The following OGA variants were observed in gnomAD, a reference collection of about 807,000 sequenced individuals.
OGA encodes O-GlcNAcase.
In OGA, 21 loss-of-function variants were observed where a neutral mutation model predicts 102.0. The ratio of observed to expected loss-of-function variants is 0.21; its 90% CI spans 0.15 to 0.30. The LOEUF is 0.30. Among genes scored for constraint, OGA ranks in the 10% least tolerant of loss-of-function variants. The probability of loss-of-function intolerance (pLI) is 1.00; values close to 1 mark genes in which losing one functional copy is unlikely to be tolerated. For synonymous variants in OGA, 408 were observed against 378.2 expected (o/e 1.08, Z -0.91); for missense variants, 765 against 1,107.8 (o/e 0.69, Z 4.39).
chr10:101,812,067 T>G (rs1455890934), intron 3 of OGA, among the ~76,000 whole-genome samples: 1 of 152,222 alleles, frequency 6.6e-6, no homozygotes, highest in Non-Finnish European at 1.5e-5. Context: ...CAGCCTTCTG[T>G]GCCTTGGCTG....
intron 1 of OGA, among the ~76,000 whole-genome samples, chr10:101,817,188 G>A (rs1420075465): frequency 6.6e-6 from 1 of 152,160 alleles, no homozygotes; most frequent in Non-Finnish European, 1.5e-5. Flanking sequence ...CCGCTTCTGC[G>A]GTCACTAAAT....
intron 10 of OGA, among the ~76,000 whole-genome samples, chr10:101,794,949 T>TA (rs1429131400): frequency 1.3e-5 from 2 of 152,202 alleles, no homozygotes; most frequent in Non-Finnish European, 2.9e-5. Context: ...TCAGTACAAA[T>TA]ATAGTGTGCT....
chr10:101,803,337 A>T, intron 7 of OGA, among the ~76,000 whole-genome samples: 1 of 151,860 alleles, frequency 6.6e-6, no homozygotes, highest in Admixed American at 6.6e-5. Context: ...GACTTCAAAG[A>T]CTGAACCATA....
At chr10:101,805,873 T>C (rs909258906) in intron 6 of OGA, among the ~76,000 whole-genome samples, 172 bp downstream of exon 6, 8 of 151,974 alleles carry the variant, frequency 5.3e-5, no homozygotes, top group Non-Finnish European at 1.0e-4. Flanking sequence ...GAGAATGGTG[T>C]GAACCTGGGA....
In OGA at chr10:101,803,721, T is replaced by C. The variant is rs759677120; in HGVS notation, c.1036+14A>G. The C allele has an allele frequency of 1.2e-6, 2 of 1,608,522 alleles. No homozygotes were observed. The highest frequency in any genetic ancestry group is 1.1e-5 in the South Asian group (1 of 90,788). On this transcript the variant is annotated intron_variant, in intron 7 of 15. Coordinates refer to ENST00000361464, the MANE Select transcript of OGA (RefSeq NM_012215.5). ...TCTCCTCCCAAGGTGAAAGATCAAG[T>C]ACAGGCTACTTACTCATCACTACAT...
intron 12 of OGA, 28 bp from the exon 13 acceptor site, chr10:101,791,467 C>T (rs774884277): frequency 6.3e-7 from 1 of 1,582,952 alleles, no homozygotes; most frequent in South Asian, 1.1e-5. Context: ...TTAAGCAACA[C>T]ATCAAGAAAA....
In OGA at chr10:101,786,055, G is replaced by A. The variant is rs151060751; in HGVS notation, c.*396C>T. 3.3e-3 allele frequency: 509 copies of A among 155,362 alleles called. 9 individuals carry two copies. The highest frequency in any genetic ancestry group is 2.8e-3 in the East Asian group (15 of 5,322). 9.6% of individuals were successfully genotyped at this position (155,362 alleles called of 1,614,324 possible). A position where few individuals can be genotyped will look rare whatever the true frequency, so the allele number is the denominator to read the frequency against. Reference sequence around the variant, plus strand: ...TCTGCCATGTCCCCTAAGACTGAGAGGCATTTCACTCAATAAACCAAGGAA... The same window carrying A: ...TCTGCCATGTCCCCTAAGACTGAGAAGCATTTCACTCAATAAACCAAGGAA... On this transcript the variant is annotated 3_prime_UTR_variant, in exon 16 of 16. Coordinates refer to ENST00000361464, the MANE Select transcript of OGA (RefSeq NM_012215.5).
At position 101,786,324 on chromosome 10, in the gene OGA, CT is replaced by C; in HGVS notation, c.*126del. 2 of 1,009,560 alleles carry C rather than the reference CT, an allele frequency of 2.0e-6. No individual in the cohort carries two copies. The highest frequency in any genetic ancestry group is 3.0e-5 in the Admixed American group (1 of 32,916). 62.5% of individuals were successfully genotyped at this position (1,009,560 alleles called of 1,614,324 possible). ...GTGTGATGGGTGAGTTTTACATAGT[CT>C]TCTTTGTTTCGAATCCAATTGGCTG... On this transcript the variant is annotated 3_prime_UTR_variant, in exon 16 of 16. Transcript: ENST00000361464.
At chr10:101,808,627 T>C (rs61874103) in intron 4 of OGA, among the ~76,000 whole-genome samples, 7,483 of 152,196 alleles carry the variant, frequency 0.049, 206 homozygotes, top group Middle Eastern at 0.096. Flanking sequence ...TATAAATCTT[T>C]GCCTAAAGAA....
rs747626915 is a variant in OGA, at chr10:101,785,759, TAGTC to T, written c.*688_*691del. Reference sequence around the variant, plus strand: ...TTACAAAAACAGTAAACACAAAGGATAGTCAGGTTACAGCTAGTTTATATACAAA... The same window carrying T: ...TTACAAAAACAGTAAACACAAAGGATAGGTTACAGCTAGTTTATATACAAA... On this transcript the variant is annotated 3_prime_UTR_variant, in exon 16 of 16. Coordinates refer to ENST00000361464, the MANE Select transcript of OGA (RefSeq NM_012215.5). The T allele has an allele frequency of 2.0e-5, 3 of 152,494 alleles. No individual in the cohort carries two copies. Among genetic ancestry groups the T allele is most frequent in the Non-Finnish European group, 4.4e-5 (3 of 68,036 alleles). The allele number at this position is 152,494 out of a possible 1,614,324, so 9.4% of individuals were successfully genotyped here. A position where few individuals can be genotyped will look rare whatever the true frequency, so the allele number is the denominator to read the frequency against.
In OGA at chr10:101,799,342, T is replaced by C. The variant is rs1293788196; in HGVS notation, c.1309A>G (p.Ile437Val). The C allele has an allele frequency of 1.9e-6, 3 of 1,614,212 alleles. No homozygotes were observed. Among genetic ancestry groups the C allele is most frequent in the Non-Finnish European group, 1.7e-6 (2 of 1,180,036 alleles). Reference sequence around the variant, plus strand: ...CTCAAGGCTGCTCCCTGGCTCATAATGGGCTCCTGATAAACTGTTGTTACT... The same window carrying C: ...CTCAAGGCTGCTCCCTGGCTCATAACGGGCTCCTGATAAACTGTTGTTACT... ...TVVTTVYQEP[I>V]MSQGAALSGE... Residue 437 changes from isoleucine to valine, a missense_variant, in exon 9 of 16, where the codon ATT becomes GTT. Transcript: ENST00000361464.
intron 14 of OGA, among the ~76,000 whole-genome samples, chr10:101,789,549 A>G (rs959811453): frequency 1.3e-5 from 2 of 152,068 alleles, no homozygotes; most frequent in East Asian, 3.8e-4. Context: ...GGTGTGGTGG[A>G]GAGGGGTAGA....
At chr10:101,800,205 T>TG (rs1564644587) in intron 8 of OGA, 37 bp downstream of exon 8, 2 of 1,591,362 alleles carry the variant, frequency 1.3e-6, no homozygotes, top group Non-Finnish European at 1.7e-6. Flanking sequence ...CTCAACTATG[T>TG]GATCTAACCC....
In OGA at chr10:101,785,713, T is replaced by TCA. The variant is rs2065184798; in HGVS notation, c.*736_*737dup. The TCA allele has an allele frequency of 6.6e-6, 1 of 152,588 alleles. No individual in the cohort carries two copies. 9.5% of individuals were successfully genotyped at this position (152,588 alleles called of 1,614,324 possible). ...AGTGCCATTCTGAACCAACACCCTT[T>TCA]CATTTATAGAGGAAAAAAATTTACA... On this transcript the variant is annotated 3_prime_UTR_variant, in exon 16 of 16. Transcript: ENST00000361464.
chr10:101,812,331 C>T (rs895745424), intron 3 of OGA, among the ~76,000 whole-genome samples: 1 of 152,106 alleles, frequency 6.6e-6, no homozygotes, highest in South Asian at 2.1e-4. Flanking sequence ...CTCTTGAACT[C>T]GGGAGGGCGA....
rs201974754 is a variant in OGA at position 101,787,321 on chromosome 10, C to T, written c.2614+43G>A. On this transcript the variant is annotated intron_variant, in intron 15 of 15. Coordinates refer to ENST00000361464, the MANE Select transcript of OGA (RefSeq NM_012215.5). ...TATCCAAAAATATATAGTTCTTTCCCTATCTTGCCCAAATACCACCAACTC... is the reference window on the plus strand; with the variant it reads ...TATCCAAAAATATATAGTTCTTTCCTTATCTTGCCCAAATACCACCAACTC... 11 of 1,520,588 alleles carry T rather than the reference C, an allele frequency of 7.2e-6. No individual in the cohort carries two copies. In the East Asian group the frequency reaches 1.8e-4, roughly 25 times the overall value. The allele number at this position is 1,520,588 out of a possible 1,614,324, so 94.2% of individuals were successfully genotyped here. A position where few individuals can be genotyped will look rare whatever the true frequency, so the allele number is the denominator to read the frequency against.
Position 101,792,953 on chromosome 10 carries a change from GAAA to G in OGA, c.2071-13_2071-11del. 1 of 1,597,292 alleles carries G rather than the reference GAAA, an allele frequency of 6.3e-7. No individual in the cohort carries two copies. The highest frequency in any genetic ancestry group is 1.3e-5 in the African/African-American group (1 of 74,180). ...CAATTGGCAGCAAACGCTGTGGGAA[GAAA>G]AAAAAGGAGATGGATTAGTTTGGGG... On this transcript the variant is annotated splice_polypyrimidine_tract_variant and intron_variant, in intron 11 of 15. Transcript: ENST00000361464.
In OGA at chr10:101,790,858, G is replaced by A; in HGVS notation, c.2454+38C>T. The A allele has an allele frequency of 2.2e-6, 3 of 1,362,830 alleles. No homozygotes were observed. In the South Asian group the frequency reaches 4.6e-5, roughly 21 times the overall value. The allele number at this position is 1,362,830 out of a possible 1,614,324, so 84.4% of individuals were successfully genotyped here. A position where few individuals can be genotyped will look rare whatever the true frequency, so the allele number is the denominator to read the frequency against. ...AAAATAAAAATAAATAAATAAAAAA[G>A]ACCATTACCATAGTATAATTCTTAA... On this transcript the variant is annotated intron_variant, in intron 14 of 15. Coordinates refer to ENST00000361464, the MANE Select transcript of OGA (RefSeq NM_012215.5).
In OGA at chr10:101,815,963, G is replaced by GAAAAAAAA. The variant is rs1364147466; in HGVS notation, c.199+1853_199+1860dup. 6.7e-4 allele frequency among the ~76,000 whole-genome samples: 30 copies of GAAAAAAAA among 44,928 alleles called. 1 individual carries two copies. The highest frequency in any genetic ancestry group is 8.3e-4 in the Non-Finnish European group (18 of 21,610). 29.5% of individuals were successfully genotyped at this position (44,928 alleles called of 152,430 possible). A position where few individuals can be genotyped will look rare whatever the true frequency, so the allele number is the denominator to read the frequency against. Reference sequence around the variant, plus strand: ...CCAACCAAGAGGTATCAAAAAGAGAGAAAAAAAAAAAAAAAAAAAAAAAAA... The same window carrying GAAAAAAAA: ...CCAACCAAGAGGTATCAAAAAGAGAGAAAAAAAAAAAAAAAAAAAAAAAAAAAAAAAAA... On this transcript the variant is annotated intron_variant, in intron 1 of 15. Coordinates refer to ENST00000361464, the MANE Select transcript of OGA (RefSeq NM_012215.5).
Sources: allele counts gnomAD v4.1 joint callset (sites outside exome capture counted in the v4.1 genomes callset), GRCh38; gene constraint gnomAD v4.1.1; transcripts MANE v1.5; gene names NCBI Gene and HGNC (gene_info 2026-07-23, HGNC 2026-07-21).